Variants in EFR3A observed in about 807,000 individuals in gnomAD.
EFR3A encodes EFR3 homolog A, also known as protein EFR3 homolog A.
In EFR3A, 76 loss-of-function variants were observed where a neutral mutation model predicts 104.4. The ratio of observed to expected loss-of-function variants is 0.73; its 90% CI spans 0.60 to 0.88. The LOEUF (loss-of-function observed/expected upper bound fraction) is 0.88, where lower values mean the gene tolerates loss of function less well. EFR3A is among the 40% of genes least tolerant of loss of function. The pLI, the probability that EFR3A is intolerant of heterozygous loss-of-function variation, is 0.00. For missense variants in EFR3A, 985 were observed against 1,012.5 expected (o/e 0.97, Z 0.37); for synonymous variants, 330 against 330.0 (o/e 1.00, Z 0.00).
Position 131,963,385 on chromosome 8 carries a change from G to T in EFR3A, c.855+3722G>T, listed in dbSNP as rs552759566. Among the ~76,000 whole-genome samples the T allele has an allele frequency of 5.3e-5, 8 of 151,902 alleles. No homozygotes were observed. The South Asian group carries it at 1.7e-3, about 32-fold the overall frequency. On this transcript the variant is annotated intron_variant, in intron 8 of 22. Coordinates refer to ENST00000254624, the MANE Select transcript of EFR3A (RefSeq NM_015137.6). ...TAGATGCAATAAAAAATGATAAAGGGGATATCACCACCGATCCCACAGAAA... is the reference window on the plus strand; with the variant it reads ...TAGATGCAATAAAAAATGATAAAGGTGATATCACCACCGATCCCACAGAAA...
At chr8:131,952,090 T>TTCAGAAAA (rs1436210276) in intron 5 of EFR3A, among the ~76,000 whole-genome samples, 2 of 152,028 alleles carry the variant, frequency 1.3e-5, no homozygotes, top group Non-Finnish European at 2.9e-5. Flanking sequence ...CATCACAATC[T>TTCAGAAAA]TTAACTCTAA....
At chr8:131,988,057 ATTAT>A (rs1050664803) in intron 18 of EFR3A, among the ~76,000 whole-genome samples, 4 of 152,100 alleles carry the variant, frequency 2.6e-5, no homozygotes, top group African/African-American at 9.6e-5. Context: ...ATGATAAGTG[ATTAT>A]TTAGGTTAAT....
intron 10 of EFR3A, among the ~76,000 whole-genome samples, chr8:131,973,324 T>C (rs1045798226): frequency 2.0e-5 from 3 of 152,124 alleles, no homozygotes; most frequent in African/African-American, 7.2e-5. Flanking sequence ...TTTTGCGATA[T>C]TCGAGGATGT....
chr8:132,004,713 C>T (rs1821951119), intron 22 of EFR3A, among the ~76,000 whole-genome samples: 1 of 152,150 alleles, frequency 6.6e-6, no homozygotes, highest in African/African-American at 2.4e-5. Flanking sequence ...TCTATTATTT[C>T]TGCTAATCCT....
chr8:131,938,214 T>G (rs975783423), intron 1 of EFR3A: 2 of 397,762 alleles, frequency 5.0e-6, no homozygotes, highest in South Asian at 2.5e-4. Flanking sequence ...TAGAAAATAG[T>G]CTGATACAAC....
chr8:131,916,311 G>A (rs1816743741), intron 1 of EFR3A, among the ~76,000 whole-genome samples: 1 of 152,156 alleles, frequency 6.6e-6, no homozygotes, highest in African/African-American at 2.4e-5. Context: ...GAACAAATGT[G>A]AACACTTTTG....
rs531522106 is a variant in EFR3A at position 131,949,962 on chromosome 8, T to C, written c.367-7T>C. ...GTGAAGTATATTATATTATTTGTGT[T>C]TTTTAGTTTGTCAAATTTGCAAATA... On this transcript the variant is annotated splice_polypyrimidine_tract_variant and splice_region_variant and intron_variant, in intron 4 of 22. Transcript: ENST00000254624. 1.1e-5 allele frequency: 17 copies of C among 1,583,980 alleles called. No homozygotes were observed. The African/African-American group carries it at 1.6e-4, about 15-fold the overall frequency.
intron 9 of EFR3A, among the ~76,000 whole-genome samples, chr8:131,969,562 A>T (rs1819936607): frequency 6.6e-6 from 1 of 150,452 alleles, no homozygotes; most frequent in African/African-American, 2.4e-5. Flanking sequence ...TTTCCCCCGA[A>T]TATTTTCAAC....
At chr8:131,956,928 G>A (rs1267092240) in intron 7 of EFR3A, among the ~76,000 whole-genome samples, 3 of 152,052 alleles carry the variant, frequency 2.0e-5, no homozygotes, top group African/African-American at 4.8e-5. Flanking sequence ...CTTAACGTCA[G>A]AATTCCATTT....
rs1439761811 is a variant in EFR3A at position 131,944,773 on chromosome 8, A to G, written c.116A>G (p.Lys39Arg). 6.2e-7 allele frequency: 1 copy of G among 1,602,824 alleles called. No individual in the cohort carries two copies. The highest frequency in any genetic ancestry group is 8.5e-7 in the Non-Finnish European group (1 of 1,174,884). ...GGCCTTGTGAAAACTGATATGGAGA[A>G]ATTGACATTTTATGCAGTATCTGCT... ...KDGLVKTDME[K>R]LTFYAVSAPE... Residue 39 changes from lysine (K) to arginine (R), a missense_variant, in exon 3 of 23, where the codon AAA becomes AGA. Physicochemically the swap from Lys to Arg is conservative, Grantham distance 26. Coordinates refer to ENST00000254624, the MANE Select transcript of EFR3A (RefSeq NM_015137.6).
intron 1 of EFR3A, chr8:131,938,463 C>T (rs1008771022): frequency 5.2e-6 from 2 of 382,354 alleles, no homozygotes; most frequent in Non-Finnish European, 9.2e-6. Flanking sequence ...TTTATAAAAA[C>T]CTGAAATTGT....
chr8:131,939,283 G>C (rs1009593192), intron 1 of EFR3A, among the ~76,000 whole-genome samples: 1 of 152,070 alleles, frequency 6.6e-6, no homozygotes, highest in Non-Finnish European at 1.5e-5. Flanking sequence ...CCAGCTGGAC[G>C]GAGGGAGACT....
At chr8:131,997,601 C>T (rs574463475) in intron 19 of EFR3A, among the ~76,000 whole-genome samples, 1 of 152,152 alleles carries the variant, frequency 6.6e-6, no homozygotes, top group East Asian at 1.9e-4. Flanking sequence ...GGCTTAATAA[C>T]AACTTTTCCC....
chr8:131,914,162 T>A (rs78785084), intron 1 of EFR3A, among the ~76,000 whole-genome samples: 2,993 of 152,266 alleles, frequency 0.02, 45 homozygotes, highest in South Asian at 0.042. Flanking sequence ...TCCAGGCAAA[T>A]GTATAACACC....
intron 1 of EFR3A, among the ~76,000 whole-genome samples, chr8:131,931,747 C>A (rs988507741): frequency 6.6e-5 from 10 of 151,782 alleles, no homozygotes; most frequent in Non-Finnish European, 1.3e-4. Context: ...TGAAAAAAAA[C>A]CAGCTAACAT....
intron 1 of EFR3A, among the ~76,000 whole-genome samples, chr8:131,927,226 G>A (rs562692626): frequency 6.6e-6 from 1 of 152,314 alleles, no homozygotes; most frequent in East Asian, 1.9e-4. Context: ...ATGCTGGGCT[G>A]AGGCTGGGAG....
Position 131,978,866 on chromosome 8 carries a change from C to T in EFR3A, c.1346C>T (p.Ala449Val), listed in dbSNP as rs773514654. 20 of 1,601,202 alleles carry T rather than the reference C, an allele frequency of 1.2e-5. No individual in the cohort carries two copies. The Admixed American group carries it at 1.4e-4, about 11-fold the overall frequency. ...AATCAGGTGACCTCTGGATATAAAG[C>T]GAAGACGATTGTTACTGCACTGCCA... ...SLLMVTSGYK[A>V]KTIVTALPGS... Residue 449 changes from alanine (A) to valine (V), a missense_variant, in exon 13 of 23, where the codon GCG (alanine) becomes GTG (valine). Coordinates refer to ENST00000254624, the MANE Select transcript of EFR3A (RefSeq NM_015137.6).
intron 1 of EFR3A, among the ~76,000 whole-genome samples, chr8:131,937,194 G>A (rs980259278): frequency 3.3e-5 from 5 of 152,102 alleles, no homozygotes; most frequent in African/African-American, 1.2e-4. Flanking sequence ...TATCACAGAT[G>A]TCTTTAAAGA....
rs1816112995 is a variant in EFR3A at position 131,904,130 on chromosome 8, G to T, written c.-183G>T. The T allele has an allele frequency of 4.9e-6, 3 of 615,370 alleles. No homozygotes were observed. The highest frequency in any genetic ancestry group is 4.7e-6 in the Non-Finnish European group (2 of 429,856). 38.1% of individuals were successfully genotyped at this position (615,370 alleles called of 1,614,324 possible). On this transcript the variant is annotated 5_prime_UTR_variant, in exon 1 of 23. Transcript: ENST00000254624. ...GCCCGGCGAGGAGTGGGCTGGCGGC[G>T]GTAGCTGTCGCCCGCTTGGTTGCGT...
Sources: gnomAD v4.1 joint callset for allele counts (sites outside exome capture counted in the v4.1 genomes callset) on GRCh38, gnomAD v4.1.1 for gene constraint, MANE v1.5 for transcripts, NCBI Gene and HGNC (gene_info 2026-07-23, HGNC 2026-07-21) for gene names.